Variants in CNTNAP4 observed in about 807,000 individuals in gnomAD.
CNTNAP4 encodes the protein contactin associated protein family member 4, also known as contactin-associated protein-like 4.
CNTNAP4 carries 98 observed loss-of-function variants against 148.4 expected under a neutral mutation model. The observed-to-expected ratio is 0.66, with a 90% CI of 0.56 to 0.78. The LOEUF (loss-of-function observed/expected upper bound fraction) is 0.78, where lower values mean the gene tolerates loss of function less well. CNTNAP4 is among the 30% of genes least tolerant of loss of function. CNTNAP4 has a pLI of 0.00. For missense variants in CNTNAP4, 1,935 were observed against 1,565.6 expected, an observed-to-expected ratio of 1.24 and a Z score of -3.98; for synonymous variants, 730 against 565.1, an observed-to-expected ratio of 1.29 and a Z score of -4.14.
intron 4 of CNTNAP4, among the ~76,000 whole-genome samples, chr16:76,439,325 T>G (rs1411992281): frequency 7.4e-6 from 1 of 135,336 alleles, no homozygotes; most frequent in Non-Finnish European, 1.7e-5. Flanking sequence ...ATAAACGTGA[T>G]TTCAAGTGTT....
At chr16:76,314,160 T>C (rs182704225) in intron 1 of CNTNAP4, among the ~76,000 whole-genome samples, 37 of 152,374 alleles carry the variant, frequency 2.4e-4, no homozygotes, top group Admixed American at 1.8e-3. Context: ...TACACATTGA[T>C]ACATATGTAA....
intron 12 of CNTNAP4, among the ~76,000 whole-genome samples, chr16:76,481,478 G>C (rs1413735522): frequency 2.0e-5 from 3 of 152,140 alleles, no homozygotes. Flanking sequence ...CCAGGAGTTC[G>C]AGACCAGGCT....
At chr16:76,511,187 T>C (rs894707574) in intron 15 of CNTNAP4, among the ~76,000 whole-genome samples, 1 of 152,310 alleles carries the variant, frequency 6.6e-6, no homozygotes, top group Non-Finnish European at 1.5e-5. Context: ...TTTTATCACA[T>C]GTATTTCTTT....
chr16:76,478,894 GA>G (rs1255291881), intron 11 of CNTNAP4, among the ~76,000 whole-genome samples: 3 of 151,866 alleles, frequency 2.0e-5, no homozygotes, highest in African/African-American at 4.8e-5. Flanking sequence ...TTTGTTTTAT[GA>G]AAAAAATATT....
intron 8 of CNTNAP4, among the ~76,000 whole-genome samples, chr16:76,457,819 A>T (rs564575165): frequency 5.3e-5 from 8 of 151,254 alleles, no homozygotes; most frequent in African/African-American, 1.9e-4. Context: ...TTAATTTTAG[A>T]TTTGGGGGTA....
chr16:76,445,593 A>C (rs1453047686), intron 4 of CNTNAP4, among the ~76,000 whole-genome samples: 1 of 152,146 alleles, frequency 6.6e-6, no homozygotes, highest in African/African-American at 2.4e-5. Context: ...GTTTTTCTCT[A>C]TGCCATTTTG....
chr16:76,537,082 C>G (rs1017174067), intron 18 of CNTNAP4, among the ~76,000 whole-genome samples: 5 of 152,074 alleles, frequency 3.3e-5, no homozygotes, highest in African/African-American at 1.2e-4. Context: ...CTGCTGGTAC[C>G]ATTCTAGGAC....
chr16:76,438,083 C>A (rs2079899028), intron 4 of CNTNAP4, among the ~76,000 whole-genome samples: 1 of 151,970 alleles, frequency 6.6e-6, no homozygotes, highest in Admixed American at 6.6e-5. Flanking sequence ...TTGCTTTTAC[C>A]AAAGGACCAG....
At chr16:76,289,528 A>ATTTTT (rs5817978) in intron 1 of CNTNAP4, among the ~76,000 whole-genome samples, 14 of 141,978 alleles carry the variant, frequency 9.9e-5, no homozygotes, top group African/African-American at 3.4e-4. Flanking sequence ...TGCCTTTAGC[A>ATTTTT]TTTTTTTTTT....
At chr16:76,351,933 A>C (rs771174371) in intron 2 of CNTNAP4, among the ~76,000 whole-genome samples, 25 of 152,234 alleles carry the variant, frequency 1.6e-4, no homozygotes, top group Non-Finnish European at 3.7e-4. Flanking sequence ...TGCAAGAGAA[A>C]TACTGTGAAA....
At chr16:76,473,694 A>G (rs1342084895) in intron 10 of CNTNAP4, among the ~76,000 whole-genome samples, 3 of 152,120 alleles carry the variant, frequency 2.0e-5, no homozygotes, top group Non-Finnish European at 4.4e-5. Flanking sequence ...GAATGGCATG[A>G]ACCTGGGAGG....
chr16:76,315,314 A>C (rs1332684122), intron 1 of CNTNAP4, among the ~76,000 whole-genome samples: 1 of 152,220 alleles, frequency 6.6e-6, no homozygotes, highest in Non-Finnish European at 1.5e-5. Flanking sequence ...TTGGGTAAAA[A>C]GACAAAACTC....
intron 1 of CNTNAP4, among the ~76,000 whole-genome samples, chr16:76,285,829 T>A (rs1958858067): frequency 1.3e-5 from 2 of 151,950 alleles, no homozygotes; most frequent in South Asian, 2.1e-4. Flanking sequence ...TTGTAAGCCT[T>A]AGGGTTGATA....
chr16:76,540,141 C>T (rs984543195), intron 20 of CNTNAP4, among the ~76,000 whole-genome samples: 1 of 151,986 alleles, frequency 6.6e-6, no homozygotes, highest in African/African-American at 2.4e-5. Context: ...GCTAATGAAA[C>T]CGGTTTACTT....
Position 76,535,600 on chromosome 16 carries a change from G to A in CNTNAP4, c.2811G>A (p.Leu937=), listed in dbSNP as rs771033669. The change falls in exon 18 of 24, where the codon TTG becomes TTA. Residue 937 remains leucine, a synonymous_variant. Coordinates refer to ENST00000611870, the MANE Select transcript of CNTNAP4 (RefSeq NM_033401.5). ...TGGGCTGCATTCGGTCTCTGCAGTT[G>A]AATGGGATGACCCTGGATTTGGAAG... ...GFLGCIRSLQ[L]NGMTLDLEER... is the part of the protein sequence containing the mutation. The A allele has an allele frequency of 3.0e-5, 49 of 1,613,170 alleles. No individual in the cohort carries two copies. The highest frequency in any genetic ancestry group is 4.0e-5 in the Non-Finnish European group (47 of 1,180,022).
chr16:76,432,592 T>C (rs58062542), intron 4 of CNTNAP4: 1 of 152,184 alleles, frequency 6.6e-6, no homozygotes, highest in African/African-American at 2.4e-5. Flanking sequence ...GAAACAATAC[T>C]ACATGTCTGA....
intron 2 of CNTNAP4, among the ~76,000 whole-genome samples, chr16:76,329,558 T>A (rs1247631111): frequency 6.6e-6 from 1 of 152,234 alleles, no homozygotes; most frequent in Non-Finnish European, 1.5e-5. Flanking sequence ...TTATAAAGTC[T>A]TTCTTTCGAT....
chr16:76,393,539 G>C (rs1377874117), intron 3 of CNTNAP4, among the ~76,000 whole-genome samples: 2 of 152,138 alleles, frequency 1.3e-5, no homozygotes, highest in Non-Finnish European at 2.9e-5. Context: ...AGTGCTCACA[G>C]CCTCTTGGGG....
chr16:76,464,152 C>G (rs2081088970), intron 9 of CNTNAP4, among the ~76,000 whole-genome samples: 1 of 152,184 alleles, frequency 6.6e-6, no homozygotes, highest in Non-Finnish European at 1.5e-5. Flanking sequence ...CTTCCAGAAC[C>G]AGGTTAAGGC....
Sources: gnomAD v4.1 joint callset for allele counts (sites outside exome capture counted in the v4.1 genomes callset) on GRCh38, gnomAD v4.1.1 for gene constraint, MANE v1.5 for transcripts, NCBI Gene and HGNC (gene_info 2026-07-23, HGNC 2026-07-21) for gene names.